Variants in LRRC61 observed in about 807,000 individuals in gnomAD.
The protein encoded by LRRC61 is leucine-rich repeat-containing protein 61.
A neutral mutation model predicts 15.1 loss-of-function variants in LRRC61; 9 were observed. The ratio of observed to expected loss-of-function variants is 0.60; its 90% CI spans 0.36 to 1.04. The LOEUF is 1.04. LRRC61 is among the 50% of genes least tolerant of loss of function. LRRC61 has a pLI of 0.01. For missense variants in LRRC61, 344 were observed against 335.6 expected, an observed-to-expected ratio of 1.03 and a Z score of -0.20; for synonymous variants, 173 against 158.6, an observed-to-expected ratio of 1.09 and a Z score of -0.68.
chr7:150,337,506 C>A lies in LRRC61; in HGVS notation c.645C>A (p.Ile215=). The A allele has an allele frequency of 6.2e-7, 1 of 1,603,016 alleles. No individual in the cohort carries two copies. The highest frequency in any genetic ancestry group is 8.5e-7 in the Non-Finnish European group (1 of 1,178,958). ...CCTGGCCCAGCCGGAGCAGCTCCAT[C>A]CTGGAGGAGGCCTGCCGGCAGTTCC... The part of the protein sequence containing the change: ...WESWPSRSSS[I]LEEACRQFQD... The change falls in exon 3 of 3, where the codon ATC becomes ATA. Residue 215 remains isoleucine, a synonymous_variant. Transcript: ENST00000359623.
chr7:150,317,215 AT>A, the LRRC61 span, among the ~76,000 whole-genome samples: 1 of 151,700 alleles, frequency 6.6e-6, no homozygotes, highest in Non-Finnish European at 1.5e-5. Context: ...TGCCCGGCTA[AT>A]TTTTTGTATT....
rs761575975 is a variant in LRRC61, at chr7:150,337,160, A to G, written c.299A>G (p.Gln100Arg). 1.9e-6 allele frequency: 3 copies of G among 1,610,582 alleles called. No individual in the cohort carries two copies. Among genetic ancestry groups the G allele is most frequent in the African/African-American group, 2.7e-5 (2 of 74,952 alleles). ...LEPLATCENL[Q>R]SLNAAGNLLA... ...CCACTGGCCACCTGTGAGAACTTGCAGAGTCTCAATGCCGCAGGCAACCTA... is the reference window on the plus strand; with the variant it reads ...CCACTGGCCACCTGTGAGAACTTGCGGAGTCTCAATGCCGCAGGCAACCTA... Residue 100 changes from glutamine to arginine, a missense_variant, in exon 3 of 3, where the codon CAG becomes CGG. Coordinates refer to ENST00000359623, the MANE Select transcript of LRRC61 (RefSeq NM_001142928.2).
At chr7:150,321,308 T>G (rs747021681), upstream of LRRC61, among the ~76,000 whole-genome samples, 3 of 152,360 alleles carry the variant, frequency 2.0e-5, no homozygotes, top group Admixed American at 6.5e-5. Flanking sequence ...TCTCTCACCT[T>G]AACAATTGTT....
In LRRC61 at chr7:150,337,622, C is replaced by A. The variant is rs751901177; in HGVS notation, c.761C>A (p.Thr254Asn). Residue 254 changes from threonine (T) to asparagine (N), a missense_variant, in exon 3 of 3, where the codon ACC becomes AAC. Physicochemically the swap from Thr to Asn is moderately conservative, Grantham distance 65 (BLOSUM62 0). Coordinates refer to ENST00000359623, the MANE Select transcript of LRRC61 (RefSeq NM_001142928.2). ...CAGGTACTCAGCTCTGCGGGCCCCA[C>A]CTCTTCCTTCGTCTTCTGAACGTGG... ...AEQVLSSAGP[T>N]SSFVF 4 of 1,527,904 alleles carry A rather than the reference C, an allele frequency of 2.6e-6. No individual in the cohort carries two copies. Among genetic ancestry groups the A allele is most frequent in the Non-Finnish European group, 3.5e-6 (4 of 1,140,190 alleles). 94.6% of individuals were successfully genotyped at this position (1,527,904 alleles called of 1,614,324 possible).
Position 150,337,250 on chromosome 7 carries a change from G to C in LRRC61, c.389G>C (p.Arg130Pro). ...CCGTGCCTGGAGTACCTGCGGCTCC[G>C]AGACCCTTTGGCCCGGCTCAGCAAC... Reference protein sequence around the residue: ...GLPCLEYLRLRDPLARLSNPL... With the variant: ...GLPCLEYLRLPDPLARLSNPL... The change falls in exon 3 of 3, where the codon CGA (arginine) becomes CCA (proline). Residue 130 changes from arginine (R) to proline (P), a missense_variant. Arg to Pro is a moderately radical substitution (Grantham distance 103). Coordinates refer to ENST00000359623, the MANE Select transcript of LRRC61 (RefSeq NM_001142928.2). 6.2e-7 allele frequency: 1 copy of C among 1,603,842 alleles called. No homozygotes were observed. Among genetic ancestry groups the C allele is most frequent in the South Asian group, 1.1e-5 (1 of 91,070 alleles).
intron 1 of LRRC61, 159 bp downstream of exon 1, chr7:150,323,719 C>G (rs996787664): frequency 2.2e-6 from 1 of 455,334 alleles, no homozygotes; most frequent in Non-Finnish European, 4.4e-6. Context: ...ACCCATCTCT[C>G]CCTCTGTGCC....
the LRRC61 span, among the ~76,000 whole-genome samples, chr7:150,309,831 G>A: frequency 1.3e-5 from 2 of 152,168 alleles, no homozygotes; most frequent in Admixed American, 1.3e-4. Context: ...GACTGATGCT[G>A]CCCGATCACC....
the LRRC61 span, among the ~76,000 whole-genome samples, chr7:150,314,830 T>C: frequency 6.7e-6 from 1 of 148,988 alleles, no homozygotes; most frequent in African/African-American, 2.5e-5. Flanking sequence ...CACACACCTG[T>C]AGTCCCAGCT....
At chr7:150,321,510 C>A (rs569557340), upstream of LRRC61, among the ~76,000 whole-genome samples, 1 of 152,112 alleles carries the variant, frequency 6.6e-6, no homozygotes, top group Non-Finnish European at 1.5e-5. Flanking sequence ...GAGGCCAAGG[C>A]GGGCAGATCA....
intron 2 of LRRC61, chr7:150,332,020 T>G (rs574068408): frequency 6.0e-6 from 1 of 167,042 alleles, no homozygotes; most frequent in East Asian, 1.9e-4. Flanking sequence ...ACTGGAAACG[T>G]TGGGGTTTCT....
the LRRC61 span, among the ~76,000 whole-genome samples, chr7:150,315,830 CTT>C: frequency 5.4e-5 from 8 of 148,926 alleles, no homozygotes; most frequent in South Asian, 2.1e-4. Context: ...CAACACTATA[CTT>C]TTTTTTTTTT....
the LRRC61 span, among the ~76,000 whole-genome samples, chr7:150,314,905 T>G: frequency 1.3e-5 from 2 of 149,380 alleles, no homozygotes; most frequent in Non-Finnish European, 1.5e-5. Context: ...TAAACTGTGA[T>G]CACACCACTG....
At chr7:150,321,613 G>A (rs541979817), upstream of LRRC61, among the ~76,000 whole-genome samples, 35 of 152,250 alleles carry the variant, frequency 2.3e-4, no homozygotes, top group Non-Finnish European at 4.7e-4. Context: ...GGTGGTTCAC[G>A]CCTGTAGTCT....
At chr7:150,314,573 T>C in the LRRC61 span, among the ~76,000 whole-genome samples, 2 of 152,130 alleles carry the variant, frequency 1.3e-5, no homozygotes, top group Non-Finnish European at 2.9e-5. Flanking sequence ...TAGTTACTCT[T>C]TGAGGTGTTT....
At chr7:150,331,089 C>T (rs1238588980) in intron 2 of LRRC61, 1 of 1,613,066 alleles carries the variant, frequency 6.2e-7, no homozygotes, top group Admixed American at 1.7e-5. Context: ...ATCTATCTGT[C>T]TTACCCCCCA....
intron 1 of LRRC61, chr7:150,323,815 A>T (rs79859867): frequency 0.01 from 4,129 of 408,296 alleles, 167 homozygotes; most frequent in African/African-American, 0.081. Flanking sequence ...TATTCCCGTA[A>T]TGTAGACGAG....
At position 150,337,112 on chromosome 7, in the gene LRRC61, A is replaced by ACAAT; in HGVS notation, c.253_256dup (p.Arg86GlnfsTer13). On this transcript the variant is annotated frameshift_variant, in exon 3 of 3. Coordinates refer to ENST00000359623, the MANE Select transcript of LRRC61 (RefSeq NM_001142928.2). LOFTEE classifies it high-confidence loss of function. The stretch of plus-strand genomic sequence containing the variant: ...CAGCTAGCTGTGCTCAATGTCTCCA[A>ACAAT]CAATCGGCTGACGGGCCTGGAGCCA... 6.2e-7 allele frequency: 1 copy of ACAAT among 1,612,462 alleles called. No individual in the cohort carries two copies. Among genetic ancestry groups the ACAAT allele is most frequent in the Non-Finnish European group, 8.5e-7 (1 of 1,179,868 alleles).
chr7:150,329,247 G>T (rs1798032348), intron 2 of LRRC61, among the ~76,000 whole-genome samples: 1 of 152,240 alleles, frequency 6.6e-6, no homozygotes, highest in African/African-American at 2.4e-5. Context: ...CCCTGAGGTT[G>T]CTCAGTACCT....
chr7:150,331,192 C>A, intron 2 of LRRC61: 1 of 1,436,976 alleles, frequency 7.0e-7, no homozygotes, highest in Non-Finnish European at 9.4e-7. Context: ...CATTGAGCAT[C>A]TCCTCTTCTT....
Sources: gnomAD v4.1 joint callset for allele counts (sites outside exome capture counted in the v4.1 genomes callset) on GRCh38, gnomAD v4.1.1 for gene constraint, MANE v1.5 for transcripts, NCBI Gene and HGNC (gene_info 2026-07-23, HGNC 2026-07-21) for gene names.